MCC: variants seen among roughly 807,000 people sequenced by gnomAD.
MCC encodes MCC regulator of Wnt signaling pathway.
A neutral mutation model predicts 116.2 loss-of-function variants in MCC; 90 were observed. That is an observed-to-expected ratio of 0.77 (90% CI 0.65 to 0.92). The LOEUF (loss-of-function observed/expected upper bound fraction) is 0.92, where lower values mean the gene tolerates loss of function less well. Among genes scored for constraint, MCC ranks in the 40% least tolerant of loss-of-function variants. MCC has a pLI of 0.00. For synonymous variants in MCC, 578 were observed against 510.5 expected (o/e 1.13, Z -1.78); for missense variants, 1,516 against 1,312.2 (o/e 1.16, Z -2.40).
chr5:113,365,476 AG>A (rs1284432311), intron 2 of MCC, among the ~76,000 whole-genome samples: 5 of 152,192 alleles, frequency 3.3e-5, no homozygotes, highest in African/African-American at 1.2e-4. Context: ...ACAAGTCTCT[AG>A]GAAGTTCCAA....
chr5:113,204,812 A>G (rs192173994), intron 3 of MCC, among the ~76,000 whole-genome samples: 1 of 152,250 alleles, frequency 6.6e-6, no homozygotes, highest in Non-Finnish European at 1.5e-5. Flanking sequence ...GCAGACCTCA[A>G]ATTCAAGGTG....
chr5:113,384,894 G>C, intron 2 of MCC, 74 bp downstream of exon 2: 2 of 1,545,426 alleles, frequency 1.3e-6, no homozygotes, highest in South Asian at 2.4e-5. Flanking sequence ...TGATGGGGAG[G>C]CTACTCTCAT....
At chr5:113,170,152 G>A (rs1760997011) in intron 3 of MCC, among the ~76,000 whole-genome samples, 1 of 152,204 alleles carries the variant, frequency 6.6e-6, no homozygotes, top group African/African-American at 2.4e-5. Flanking sequence ...GGTCTTCATA[G>A]AAAGAAGCTT....
At chr5:113,184,774 T>C (rs1240668863) in intron 3 of MCC, among the ~76,000 whole-genome samples, 1 of 152,166 alleles carries the variant, frequency 6.6e-6, no homozygotes, top group Non-Finnish European at 1.5e-5. Context: ...GTAAAATCCT[T>C]AGAGTCCACT....
chr5:113,360,241 T>G (rs1381966458), intron 2 of MCC, among the ~76,000 whole-genome samples: 1 of 152,014 alleles, frequency 6.6e-6, no homozygotes, highest in Non-Finnish European at 1.5e-5. Flanking sequence ...AAAAACAAAA[T>G]ATTATCCTTT....
intron 1 of MCC, among the ~76,000 whole-genome samples, chr5:113,458,458 C>T (rs1033354013): frequency 3.3e-5 from 5 of 152,092 alleles, no homozygotes; most frequent in African/African-American, 7.2e-5. Context: ...AAACTCCAGA[C>T]GCGCCACCTT....
intron 11 of MCC, among the ~76,000 whole-genome samples, chr5:113,072,623 C>T (rs986514086): frequency 7.2e-5 from 11 of 152,158 alleles, no homozygotes; most frequent in African/African-American, 2.4e-4. Flanking sequence ...CCTGCCCTAG[C>T]GGCTATTTCC....
At chr5:113,194,495 T>C (rs931095662) in intron 3 of MCC, among the ~76,000 whole-genome samples, 4 of 151,904 alleles carry the variant, frequency 2.6e-5, no homozygotes, top group African/African-American at 9.7e-5. Context: ...TAAGAATCTG[T>C]CTGTACAAAA....
chr5:113,149,999 G>A (rs373810551), intron 4 of MCC, among the ~76,000 whole-genome samples: 2 of 152,292 alleles, frequency 1.3e-5, no homozygotes, highest in South Asian at 2.1e-4. Flanking sequence ...AAGAGTCAGT[G>A]CAAGGGGCCC....
rs377398937 is a variant in MCC at position 113,157,367 on chromosome 5, A to G, written c.628-5945T>C. On this transcript the variant is annotated intron_variant, in intron 3 of 18. Transcript: ENST00000408903. ...TGGTAAAAAGGAATACGATTTGAAT[A>G]AAATGGTGGAGAACCTAGATTCATC... Among the ~76,000 whole-genome samples the G allele has an allele frequency of 3.0e-4, 45 of 152,364 alleles. No homozygotes were observed. The South Asian group carries it at 8.7e-3, about 29-fold the overall frequency.
chr5:113,265,947 C>T (rs1765402069), intron 3 of MCC, among the ~76,000 whole-genome samples: 2 of 152,110 alleles, frequency 1.3e-5, no homozygotes, highest in African/African-American at 2.4e-5. Flanking sequence ...TAAATATCCA[C>T]TCTGCCTGCC....
At chr5:113,263,908 CCTTATAT>C (rs748393936) in intron 3 of MCC, among the ~76,000 whole-genome samples, 7 of 151,452 alleles carry the variant, frequency 4.6e-5, no homozygotes, top group Non-Finnish European at 1.0e-4. Flanking sequence ...AAACCAGTGG[CCTTATAT>C]CTAAAGAGAA....
intron 8 of MCC, among the ~76,000 whole-genome samples, chr5:113,096,884 G>A (rs186967297): frequency 5.3e-4 from 80 of 152,290 alleles, no homozygotes; most frequent in African/African-American, 1.8e-3. Context: ...AGAGCCACCT[G>A]AGCCTCCCAT....
intron 3 of MCC, among the ~76,000 whole-genome samples, chr5:113,262,865 C>T (rs906004338): frequency 3.3e-5 from 5 of 151,958 alleles, no homozygotes; most frequent in African/African-American, 9.7e-5. Flanking sequence ...TGCTGGTTCA[C>T]GGACCACTGA....
At chr5:113,258,468 C>T (rs1172038007) in intron 3 of MCC, among the ~76,000 whole-genome samples, 1 of 152,240 alleles carries the variant, frequency 6.6e-6, no homozygotes, top group Non-Finnish European at 1.5e-5. Context: ...CGCCTCCTGT[C>T]AGATTAACCA....
intron 15 of MCC, among the ~76,000 whole-genome samples, chr5:113,050,466 T>C (rs925230404): frequency 1.3e-5 from 2 of 152,158 alleles, no homozygotes; most frequent in Non-Finnish European, 2.9e-5. Context: ...AGGGGGTAGA[T>C]GTTTTCACTC....
At chr5:113,465,230 C>T (rs1444155462) in intron 1 of MCC, among the ~76,000 whole-genome samples, 1 of 150,604 alleles carries the variant, frequency 6.6e-6, no homozygotes, top group Non-Finnish European at 1.5e-5. Flanking sequence ...TAATGAGATG[C>T]AAATATATGT....
chr5:113,443,867 A>C (rs1438355058), intron 1 of MCC, among the ~76,000 whole-genome samples: 4 of 152,086 alleles, frequency 2.6e-5, no homozygotes, highest in African/African-American at 9.7e-5. Context: ...TTTTTCACCC[A>C]GGCTGGAGTG....
At chr5:113,106,869 T>C (rs1383089334) in intron 6 of MCC, among the ~76,000 whole-genome samples, 2 of 152,212 alleles carry the variant, frequency 1.3e-5, no homozygotes, top group Non-Finnish European at 2.9e-5. Context: ...TTCTACATAT[T>C]GTTCAGCTCT....
Sources: gnomAD v4.1 joint callset for allele counts (sites outside exome capture counted in the v4.1 genomes callset) on GRCh38, gnomAD v4.1.1 for gene constraint, MANE v1.5 for transcripts, NCBI Gene and HGNC (gene_info 2026-07-23, HGNC 2026-07-21) for gene names.